The following FAM227A variants were observed in gnomAD, a reference collection of about 807,000 sequenced individuals.
The protein encoded by FAM227A is protein FAM227A.
FAM227A carries 80 observed loss-of-function variants against 74.7 expected under a neutral mutation model. The ratio of observed to expected loss-of-function variants is 1.07; its 90% CI spans 0.89 to 1.29. The LOEUF (loss-of-function observed/expected upper bound fraction) is 1.29, where lower values mean the gene tolerates loss of function less well. Among genes scored for constraint, FAM227A ranks in the 50% most tolerant of loss-of-function variants. The pLI, the probability that FAM227A is intolerant of heterozygous loss-of-function variation, is 0.00. For missense variants in FAM227A, 654 were observed against 683.4 expected (o/e 0.96, Z 0.48); for synonymous variants, 237 against 241.8 (o/e 0.98, Z 0.19).
Position 38,624,031 on chromosome 22 carries a change from G to A in FAM227A, c.851-752C>T, listed in dbSNP as rs117166963. Among the ~76,000 whole-genome samples, 478 of 152,266 alleles carry A rather than the reference G, an allele frequency of 3.1e-3. 3 individuals carry two copies. Among genetic ancestry groups the A allele is most frequent in the Non-Finnish European group, 5.0e-3 (337 of 68,028 alleles). On this transcript the variant is annotated intron_variant, in intron 9 of 16. Coordinates refer to ENST00000535113, the MANE Select transcript of FAM227A (RefSeq NM_001013647.2). ...TGGACGTTAAAGGGAACAGCAAGGT[G>A]CAACGGCAAGAAGAGAAGACAGTCA...
chr22:38,601,533 C>A (rs2091178492), intron 13 of FAM227A, among the ~76,000 whole-genome samples: 1 of 152,072 alleles, frequency 6.6e-6, no homozygotes, highest in African/African-American at 2.4e-5. Flanking sequence ...CTGGCAGATT[C>A]TGAGCTGGGG....
chr22:38,593,941 C>G (rs775007469), intron 15 of FAM227A, among the ~76,000 whole-genome samples: 2 of 152,316 alleles, frequency 1.3e-5, no homozygotes, highest in Non-Finnish European at 2.9e-5. Context: ...ATCCACCCGC[C>G]TCGGCCTCCC....
intron 11 of FAM227A, among the ~76,000 whole-genome samples, chr22:38,612,049 G>A (rs944409191): frequency 2.0e-4 from 30 of 152,046 alleles, no homozygotes; most frequent in Admixed American, 7.2e-4. Flanking sequence ...CCACTAGCAA[G>A]TGTTGAAAGA....
Position 38,638,816 on chromosome 22 carries a change from C to G in FAM227A, c.302G>C (p.Arg101Thr). Reference protein sequence around the residue: ...TRSSPEDKVKRQRKSQYSCKG... With the variant: ...TRSSPEDKVKTQRKSQYSCKG... ...GCAGGAATACTGAGATTTCCTTTGT[C>G]TCTTGACTGCAGAAAAATGGAGAAA... The change falls in exon 5 of 17, where the codon AGA becomes ACA. Residue 101 changes from arginine (R) to threonine (T), a missense_variant. By Grantham distance (71) the Arg-to-Thr change is moderately conservative. Transcript: ENST00000535113. The G allele has an allele frequency of 6.5e-7, 1 of 1,533,652 alleles. No individual in the cohort carries two copies. Among genetic ancestry groups the G allele is most frequent in the Non-Finnish European group, 8.8e-7 (1 of 1,140,292 alleles).
At chr22:38,613,266 CAT>C (rs372543349) in intron 11 of FAM227A, among the ~76,000 whole-genome samples, 21 of 69,362 alleles carry the variant, frequency 3.0e-4, no homozygotes, top group East Asian at 1.1e-3. Flanking sequence ...TATATTATAA[CAT>C]ATATTATATA....
chr22:38,605,149 T>C (rs865828545), intron 13 of FAM227A, 105 bp downstream of exon 13: 6 of 680,986 alleles, frequency 8.8e-6, no homozygotes, highest in South Asian at 1.8e-5. Flanking sequence ...GCATAGTACC[T>C]GGCATATAGT....
At chr22:38,641,032 T>C (rs776966533) in intron 3 of FAM227A, among the ~76,000 whole-genome samples, 1 of 152,178 alleles carries the variant, frequency 6.6e-6, no homozygotes, top group Non-Finnish European at 1.5e-5. Context: ...TGAGTCACTG[T>C]AGCAATATAG....
At chr22:38,630,965 C>T (rs908656253) in intron 6 of FAM227A, among the ~76,000 whole-genome samples, 5 of 152,164 alleles carry the variant, frequency 3.3e-5, no homozygotes, top group African/African-American at 4.8e-5. Flanking sequence ...GTCAGGAGTT[C>T]GAGACCAGTC....
At chr22:38,620,768 C>T (rs1040463813) in intron 10 of FAM227A, among the ~76,000 whole-genome samples, 1 of 151,348 alleles carries the variant, frequency 6.6e-6, no homozygotes, top group Non-Finnish European at 1.5e-5. Flanking sequence ...GAGATTGCGT[C>T]ACTGCACTCC....
At chr22:38,591,192 C>T (rs575238584) in intron 16 of FAM227A, among the ~76,000 whole-genome samples, 1 of 152,200 alleles carries the variant, frequency 6.6e-6, no homozygotes, top group Admixed American at 6.5e-5. Context: ...GGCATGGTGG[C>T]ACACACCTGT....
chr22:38,645,129 C>T (rs1030311467), intron 3 of FAM227A, among the ~76,000 whole-genome samples: 13 of 151,914 alleles, frequency 8.6e-5, no homozygotes, highest in East Asian at 1.9e-4. Context: ...CGGTGGCTCA[C>T]GCCTGTAATC....
In FAM227A at chr22:38,626,166, A is replaced by G; in HGVS notation, c.850+14T>C. 5 of 1,549,212 alleles carry G rather than the reference A, an allele frequency of 3.2e-6. No homozygotes were observed. The highest frequency in any genetic ancestry group is 3.5e-6 in the Non-Finnish European group (4 of 1,146,242). On this transcript the variant is annotated intron_variant, in intron 9 of 16. Coordinates refer to ENST00000535113, the MANE Select transcript of FAM227A (RefSeq NM_001013647.2). ...TAGAATCGCTTTCCCCGGTGGAAAA[A>G]AGTCACCTCTCACCTGAAATCCACA...
intron 10 of FAM227A, among the ~76,000 whole-genome samples, chr22:38,621,823 C>A (rs575042396): frequency 1.3e-5 from 2 of 152,130 alleles, no homozygotes; most frequent in Non-Finnish European, 2.9e-5. Context: ...GGTCCTTGGA[C>A]CAACACACCC....
At chr22:38,610,852 G>A (rs929991214) in intron 11 of FAM227A, among the ~76,000 whole-genome samples, 1 of 152,118 alleles carries the variant, frequency 6.6e-6, no homozygotes, top group Admixed American at 6.5e-5. Flanking sequence ...ACGAGGTCAG[G>A]AGTTTGAGAC....
intron 3 of FAM227A, 72 bp downstream of exon 3, chr22:38,645,491 G>A: frequency 1.0e-6 from 1 of 969,946 alleles, no homozygotes; most frequent in Non-Finnish European, 1.6e-6. Context: ...CCAGGGCACT[G>A]CAACACCTTG....
intron 5 of FAM227A, among the ~76,000 whole-genome samples, chr22:38,637,193 G>A (rs186202415): frequency 6.3e-4 from 96 of 152,228 alleles, no homozygotes; most frequent in African/African-American, 2.0e-3. Flanking sequence ...TGATTTTTAT[G>A]TCCTGCTTTA....
intron 1 of FAM227A, among the ~76,000 whole-genome samples, chr22:38,655,307 A>G (rs1222812600): frequency 6.6e-6 from 1 of 151,910 alleles, no homozygotes; most frequent in African/African-American, 2.4e-5. Flanking sequence ...AGTCAAGCAG[A>G]TCACCTGAGG....
chr22:38,655,407 T>A (rs1460638662), intron 1 of FAM227A, among the ~76,000 whole-genome samples: 1 of 151,766 alleles, frequency 6.6e-6, no homozygotes, highest in East Asian at 1.9e-4. Context: ...GGTGGGTGCC[T>A]GTAATTCCAG....
chr22:38,655,869 C>A (rs944214501), intron 1 of FAM227A, among the ~76,000 whole-genome samples: 1 of 152,216 alleles, frequency 6.6e-6, no homozygotes, highest in Admixed American at 6.5e-5. Context: ...GATACACCCA[C>A]TAGGCAGCCG....
Sources: allele counts gnomAD v4.1 joint callset (sites outside exome capture counted in the v4.1 genomes callset), GRCh38; gene constraint gnomAD v4.1.1; transcripts MANE v1.5; gene names NCBI Gene and HGNC (gene_info 2026-07-23, HGNC 2026-07-21).